Variants in DEFA6 observed in about 807,000 individuals in gnomAD.
DEFA6 encodes defensin alpha 6, also known as defensin-6.
In DEFA6, 8 loss-of-function variants were observed where a neutral mutation model predicts 5.1. The ratio of observed to expected loss-of-function variants is 1.57; its 90% CI spans 0.92 to 2.83. The LOEUF (loss-of-function observed/expected upper bound fraction) is 2.83, where lower values mean the gene tolerates loss of function less well. Among genes scored for constraint, DEFA6 ranks in the 30% most tolerant of loss-of-function variants. The probability of loss-of-function intolerance (pLI) is 0.00; values close to 1 mark genes in which losing one functional copy is unlikely to be tolerated. For missense variants in DEFA6, 191 were observed against 119.1 expected (o/e 1.60, Z -2.81); for synonymous variants, 74 against 45.3 (o/e 1.63, Z -2.54).
At position 6,926,002 on chromosome 8, in the gene DEFA6, G is replaced by T. The variant is rs751078080; in HGVS notation, c.34C>A (p.Leu12Ile). 5.1e-5 allele frequency: 83 copies of T among 1,612,956 alleles called. No homozygotes were observed. The highest frequency in any genetic ancestry group is 6.7e-5 in the Non-Finnish European group (79 of 1,179,672). The change falls in exon 1 of 2, where the codon CTC becomes ATC. Residue 12 changes from leucine to isoleucine, a missense_variant. Transcript: ENST00000297436. ...TCAGCCTTGGCCTGGAGGGCCACGA[G>T]GAGAACAGCAGTGAGGATGGTGAGG... ...RTLTILTAVLLVALQAKAEPL... is the reference protein window; with the variant it reads ...RTLTILTAVLIVALQAKAEPL...
chr8:6,924,749 A>G lies in DEFA6; in HGVS notation c.*69T>C, dbSNP rs712276. ...GGAAACAAAGTTGATGGCAATGTAT[A>G]GGACACACGACAGTTTCCTTCTAGG... On this transcript the variant is annotated 3_prime_UTR_variant, in exon 2 of 2. Coordinates refer to ENST00000297436, the MANE Select transcript of DEFA6 (RefSeq NM_001926.4). 0.15 allele frequency: 165,170 copies of G among 1,072,840 alleles called. 14,085 individuals are homozygous for G. Among genetic ancestry groups the G allele is most frequent in the Non-Finnish European group, 0.17 (122,970 of 725,984 alleles). 66.5% of individuals were successfully genotyped at this position (1,072,840 alleles called of 1,614,324 possible). A position where few individuals can be genotyped will look rare whatever the true frequency, so the allele number is the denominator to read the frequency against.
Position 6,925,844 on chromosome 8 carries a change from C to G in DEFA6, c.192G>C (p.Leu64Phe), listed in dbSNP as rs763286323. Reference sequence around the variant, plus strand: ...CTCTGCAATGCTGGTGTCTCTTACCCAAAGCTCTAAGACTTGAGCTTGCAT... The same window carrying G: ...CTCTGCAATGCTGGTGTCTCTTACCGAAAGCTCTAAGACTTGAGCTTGCAT... ...AEDASSSLRA[L>F]GSTRAFTCHC... The change falls in exon 1 of 2, where the codon TTG (leucine) becomes TTC (phenylalanine). Residue 64 changes from leucine to phenylalanine, a missense_variant and splice_region_variant. Physicochemically the swap from Leu to Phe is conservative, Grantham distance 22. Transcript: ENST00000297436. 5 of 1,609,760 alleles carry G rather than the reference C, an allele frequency of 3.1e-6. No homozygotes were observed. Among genetic ancestry groups the G allele is most frequent in the Non-Finnish European group, 4.2e-6 (5 of 1,178,064 alleles).
rs1438092538 is a variant in DEFA6 at position 6,925,963 on chromosome 8, C to T, written c.73G>A (p.Glu25Lys). The T allele has an allele frequency of 2.5e-6, 4 of 1,613,900 alleles. No homozygotes were observed. Among genetic ancestry groups the T allele is most frequent in the Non-Finnish European group, 3.4e-6 (4 of 1,179,944 alleles). ...GCTTTTGCCTGCAGTGGATCATCCT[C>T]AGCTTGGAGTGGCTCAGCCTTGGCC... ...LQAKAEPLQA[E>K]DDPLQAKAYE... The change falls in exon 1 of 2, where the codon GAG becomes AAG. Residue 25 changes from glutamate to lysine, a missense_variant. Physicochemically the swap from Glu to Lys is moderately conservative, Grantham distance 56 (BLOSUM62 1). Transcript: ENST00000297436.
rs777825102 is a variant in DEFA6, at chr8:6,924,918, C to G, written c.203G>C (p.Arg68Thr). 1 of 1,605,698 alleles carries G rather than the reference C, an allele frequency of 6.2e-7. No individual in the cohort carries two copies. Among genetic ancestry groups the G allele is most frequent in the Admixed American group, 1.7e-5 (1 of 59,912 alleles). Reference protein sequence around the residue: ...SSSLRALGSTRAFTCHCRRSC... With the variant: ...SSSLRALGSTTAFTCHCRRSC... ...CCTTCTGCAATGGCAAGTGAAAGCC[C>G]TTGTTGAGCCTGGGGACAGAGAGAG... Residue 68 changes from arginine to threonine, a missense_variant, in exon 2 of 2, where the codon AGG (arginine) becomes ACG (threonine). Arg to Thr is a moderately conservative substitution (Grantham distance 71). Transcript: ENST00000297436.
chr8:6,924,729 C>G lies in DEFA6; in HGVS notation c.*89G>C. 1 of 778,002 alleles carries G rather than the reference C, an allele frequency of 1.3e-6. No individual in the cohort carries two copies. The highest frequency in any genetic ancestry group is 1.9e-6 in the Non-Finnish European group (1 of 514,182). The allele number at this position is 778,002 out of a possible 1,614,324, so 48.2% of individuals were successfully genotyped here. ...AAGGACTTTATTTGAGATGAGGAAA[C>G]AAAGTTGATGGCAATGTATAGGACA... is the stretch of plus-strand genomic sequence containing the variant. On this transcript the variant is annotated 3_prime_UTR_variant, in exon 2 of 2. Transcript: ENST00000297436.
Position 6,925,890 on chromosome 8 carries a change from A to C in DEFA6, c.146T>G (p.Phe49Cys). 2 of 1,614,110 alleles carry C rather than the reference A, an allele frequency of 1.2e-6. No homozygotes were observed. The highest frequency in any genetic ancestry group is 1.1e-5 in the South Asian group (1 of 91,054). Residue 49 changes from phenylalanine to cysteine, a missense_variant, in exon 1 of 2, where the codon TTT becomes TGT. Transcript: ENST00000297436. ...TGCATCCTCTGCAAAGGAGACGGCAAAGTCCTGGTCATTTGCCCCACGCTG... is the reference window on the plus strand; with the variant it reads ...TGCATCCTCTGCAAAGGAGACGGCACAGTCCTGGTCATTTGCCCCACGCTG... Reference protein sequence around the residue: ...QEQRGANDQDFAVSFAEDASS... With the variant: ...QEQRGANDQDCAVSFAEDASS...
intron 1 of DEFA6, among the ~76,000 whole-genome samples, chr8:6,925,560 T>G (rs945274074): frequency 2.6e-5 from 4 of 152,042 alleles, no homozygotes; most frequent in African/African-American, 4.8e-5. Context: ...AAACAAAACA[T>G]TCCTTTAAAA....
chr8:6,926,048 T>C lies in DEFA6; in HGVS notation c.-13A>G, dbSNP rs770942312. The C allele has an allele frequency of 6.3e-7, 1 of 1,598,740 alleles. No homozygotes were observed. On this transcript the variant is annotated 5_prime_UTR_variant, in exon 1 of 2. Transcript: ENST00000297436. ...TGAGGGTTCTCATGGCTAGGGTCGC[T>C]GGAGGAGAGAGAGCAGGAGCAGATG...
chr8:6,924,990 G>T, intron 1 of DEFA6, 63 bp from the exon 2 acceptor site: 1 of 1,073,306 alleles, frequency 9.3e-7, no homozygotes, highest in Non-Finnish European at 1.4e-6. Context: ...GCAGTAAAGA[G>T]AATCTTCAGG....
rs369140471 is a variant in DEFA6, at chr8:6,925,916, C to T, written c.120G>A (p.Glu40=). The change falls in exon 1 of 2, where the codon GAG becomes GAA. Residue 40 remains glutamate (E), a synonymous_variant. Coordinates refer to ENST00000297436, the MANE Select transcript of DEFA6 (RefSeq NM_001926.4). ...QAKAYEADAQ[E]QRGANDQDFA... is the part of the protein sequence containing the mutation. The stretch of plus-strand genomic sequence containing the variant: ...AGTCCTGGTCATTTGCCCCACGCTG[C>T]TCCTGGGCATCAGCCTCATAAGCTT... The T allele has an allele frequency of 6.2e-7, 1 of 1,614,086 alleles. No homozygotes were observed.
Position 6,925,850 on chromosome 8 carries a change from T to G in DEFA6, c.186A>C (p.Arg62Ser), listed in dbSNP as rs150712376. The change falls in exon 1 of 2, where the codon AGA (arginine) becomes AGC (serine). Residue 62 changes from arginine (R) to serine (S), a missense_variant. By Grantham distance (110) the Arg-to-Ser change is moderately radical (BLOSUM62 -1). Transcript: ENST00000297436. ...SFAEDASSSL[R>S]ALGSTRAFTC... ...AATGCTGGTGTCTCTTACCCAAAGC[T>G]CTAAGACTTGAGCTTGCATCCTCTG... 5 of 1,612,204 alleles carry G rather than the reference T, an allele frequency of 3.1e-6. No homozygotes were observed. The African/African-American group carries it at 5.3e-5, about 17-fold the overall frequency.
rs778595451 is a variant in DEFA6 at position 6,925,873 on chromosome 8, C to T, written c.163G>A (p.Glu55Lys). 1.9e-6 allele frequency: 3 copies of T among 1,613,906 alleles called. No homozygotes were observed. The highest frequency in any genetic ancestry group is 1.1e-5 in the South Asian group (1 of 91,002). ...NDQDFAVSFA[E>K]DASSSLRALG... is the part of the protein sequence containing the mutation. Reference sequence around the variant, plus strand: ...GCTCTAAGACTTGAGCTTGCATCCTCTGCAAAGGAGACGGCAAAGTCCTGG... The same window carrying T: ...GCTCTAAGACTTGAGCTTGCATCCTTTGCAAAGGAGACGGCAAAGTCCTGG... Residue 55 changes from glutamate to lysine, a missense_variant, in exon 1 of 2, where the codon GAG becomes AAG. Transcript: ENST00000297436.
intron 1 of DEFA6, among the ~76,000 whole-genome samples, chr8:6,925,176 A>G (rs1808388423): frequency 6.6e-6 from 1 of 152,234 alleles, no homozygotes; most frequent in Non-Finnish European, 1.5e-5. Context: ...GAATGCACCC[A>G]TATGACTGTC....
chr8:6,926,000 G>A lies in DEFA6; in HGVS notation c.36C>T (p.Leu12=), dbSNP rs776504983. Reference sequence around the variant, plus strand: ...GCTCAGCCTTGGCCTGGAGGGCCACGAGGAGAACAGCAGTGAGGATGGTGA... The same window carrying A: ...GCTCAGCCTTGGCCTGGAGGGCCACAAGGAGAACAGCAGTGAGGATGGTGA... ...RTLTILTAVL[L]VALQAKAEPL... is the part of the protein sequence containing the mutation. The change falls in exon 1 of 2, where the codon CTC becomes CTT. Residue 12 remains leucine, a synonymous_variant. Transcript: ENST00000297436. 4.1e-5 allele frequency: 66 copies of A among 1,612,910 alleles called. 1 individual carries two copies. Among genetic ancestry groups the A allele is most frequent in the South Asian group, 2.4e-4 (22 of 90,760 alleles).
chr8:6,924,739 G>A lies in DEFA6; in HGVS notation c.*79C>T. On this transcript the variant is annotated 3_prime_UTR_variant, in exon 2 of 2. Coordinates refer to ENST00000297436, the MANE Select transcript of DEFA6 (RefSeq NM_001926.4). ...TTTGAGATGAGGAAACAAAGTTGATGGCAATGTATAGGACACACGACAGTT... is the reference window on the plus strand; with the variant it reads ...TTTGAGATGAGGAAACAAAGTTGATAGCAATGTATAGGACACACGACAGTT... 1.2e-6 allele frequency: 1 copy of A among 848,576 alleles called. No individual in the cohort carries two copies. The allele number at this position is 848,576 out of a possible 1,614,324, so 52.6% of individuals were successfully genotyped here. A position where few individuals can be genotyped will look rare whatever the true frequency, so the allele number is the denominator to read the frequency against.
Position 6,924,874 on chromosome 8 carries a change from A to G in DEFA6, c.247T>C (p.Tyr83His). ...HCRRSCYSTE[Y>H]SYGTCTVMGI... Reference sequence around the variant, plus strand: ...ATGACAGTGCAGGTCCCATAGGAATATTCTGTTGAATAACAGGACCTTCTG... The same window carrying G: ...ATGACAGTGCAGGTCCCATAGGAATGTTCTGTTGAATAACAGGACCTTCTG... The change falls in exon 2 of 2, where the codon TAT (tyrosine) becomes CAT (histidine). Residue 83 changes from tyrosine (Y) to histidine (H), a missense_variant. Coordinates refer to ENST00000297436, the MANE Select transcript of DEFA6 (RefSeq NM_001926.4). The G allele has an allele frequency of 6.2e-7, 1 of 1,612,138 alleles. No homozygotes were observed. The highest frequency in any genetic ancestry group is 8.5e-7 in the Non-Finnish European group (1 of 1,178,308).
Position 6,926,043 on chromosome 8 carries a change from G to T in DEFA6, c.-8C>A, listed in dbSNP as rs1278756253. On this transcript the variant is annotated 5_prime_UTR_variant, in exon 1 of 2. Coordinates refer to ENST00000297436, the MANE Select transcript of DEFA6 (RefSeq NM_001926.4). ...GATGGTGAGGGTTCTCATGGCTAGG[G>T]TCGCTGGAGGAGAGAGAGCAGGAGC... 6.2e-7 allele frequency: 1 copy of T among 1,602,472 alleles called. No individual in the cohort carries two copies. The highest frequency in any genetic ancestry group is 2.2e-5 in the East Asian group (1 of 44,548).
At chr8:6,925,181 A>G (rs533557333) in intron 1 of DEFA6, among the ~76,000 whole-genome samples, 1 of 152,188 alleles carries the variant, frequency 6.6e-6, no homozygotes, top group African/African-American at 2.4e-5. Context: ...CACCCATATG[A>G]CTGTCTCCAG....
rs754002131 is a variant in DEFA6, at chr8:6,924,902, A to G, written c.219T>C (p.His73=). The change falls in exon 2 of 2, where the codon CAT becomes CAC. Residue 73 remains histidine (H), a synonymous_variant. Coordinates refer to ENST00000297436, the MANE Select transcript of DEFA6 (RefSeq NM_001926.4). The stretch of plus-strand genomic sequence containing the variant: ...CTGTTGAATAACAGGACCTTCTGCA[A>G]TGGCAAGTGAAAGCCCTTGTTGAGC... The part of the protein sequence containing the change: ...ALGSTRAFTC[H]CRRSCYSTEY... 5.6e-6 allele frequency: 9 copies of G among 1,609,920 alleles called. No individual in the cohort carries two copies. In the Admixed American group the frequency reaches 8.3e-5, roughly 15 times the overall value.
Sources: gnomAD v4.1 joint callset for allele counts (sites outside exome capture counted in the v4.1 genomes callset) on GRCh38, gnomAD v4.1.1 for gene constraint, MANE v1.5 for transcripts, NCBI Gene and HGNC (gene_info 2026-07-23, HGNC 2026-07-21) for gene names.